The following SCN10A variants were observed in gnomAD, a reference collection of about 807,000 sequenced individuals.
SCN10A encodes sodium voltage-gated channel alpha subunit 10, also known as sodium channel protein type 10 subunit alpha.
SCN10A carries 162 observed loss-of-function variants against 170.7 expected under a neutral mutation model. The ratio of observed to expected loss-of-function variants is 0.95; its 90% confidence interval spans 0.84 to 1.08. The LOEUF is 1.08. Among genes scored for constraint, SCN10A ranks in the 50% least tolerant of loss-of-function variants. The pLI, the probability that SCN10A is intolerant of heterozygous loss-of-function variation, is 0.00. For missense variants in SCN10A, 2,527 were observed against 2,436.9 expected (o/e 1.04, Z -0.78); for synonymous variants, 985 against 904.6 (o/e 1.09, Z -1.59).
In SCN10A at chr3:38,756,680, C is replaced by T. The variant is rs62244070; in HGVS notation, c.1284G>A (p.Glu428=). The T allele has an allele frequency of 0.24, 381,879 of 1,612,192 alleles. 47,700 individuals are homozygous for T. Among genetic ancestry groups the T allele is most frequent in the East Asian group, 0.42 (19,006 of 44,850 alleles). ...FQEALEMLRK[E]QEVLAALGID... ...GCTTCCACTCCTCACAAACCTCCTGCTCCTTCCGGAGCATCTCGAGGGCCT... is the reference window on the plus strand; with the variant it reads ...GCTTCCACTCCTCACAAACCTCCTGTTCCTTCCGGAGCATCTCGAGGGCCT... Residue 428 remains glutamate (E), a synonymous_variant, in exon 10 of 28, where the codon GAG becomes GAA. Transcript: ENST00000449082.
intron 14 of SCN10A, among the ~76,000 whole-genome samples, chr3:38,740,183 G>A (rs1326283867): frequency 6.6e-6 from 1 of 152,166 alleles, no homozygotes; most frequent in Non-Finnish European, 1.5e-5. Context: ...CAAAGGGCCT[G>A]GCAGACAGTA....
At chr3:38,811,227 T>G (rs1479988316) in intron 1 of SCN10A, among the ~76,000 whole-genome samples, 1 of 152,136 alleles carries the variant, frequency 6.6e-6, no homozygotes, top group East Asian at 1.9e-4. Context: ...CCAAGGCAGC[T>G]GGCTCACTTG....
chr3:38,711,011 G>T, intron 23 of SCN10A, 114 bp from the exon 24 acceptor site: 1 of 826,458 alleles, frequency 1.2e-6, no homozygotes, highest in Non-Finnish European at 1.9e-6. Context: ...GAAAGGGCTT[G>T]TGCAGAAAGA....
Position 38,756,772 on chromosome 3 carries a change from T to A in SCN10A, c.1192A>T (p.Met398Leu), listed in dbSNP as rs551816827. The A allele has an allele frequency of 1.2e-6, 2 of 1,614,154 alleles. No homozygotes were observed. Among genetic ancestry groups the A allele is most frequent in the East Asian group, 4.5e-5 (2 of 44,878 alleles). Reference protein sequence around the residue: ...LVNLILAVVTMAYEEQNQATT... With the variant: ...LVNLILAVVTLAYEEQNQATT... ...GCCTGGTTCTGCTCCTCATACGCCA[T>A]GGTGACTACAGCCAAGATCAAGTTG... The change falls in exon 10 of 28, where the codon ATG (methionine) becomes TTG (leucine). Residue 398 changes from methionine (M) to leucine (L), a missense_variant. By Grantham distance (15) the Met-to-Leu change is conservative. Transcript: ENST00000449082.
chr3:38,749,790 T>A (rs2063728269), intron 13 of SCN10A, among the ~76,000 whole-genome samples: 1 of 152,236 alleles, frequency 6.6e-6, no homozygotes, highest in African/African-American at 2.4e-5. Context: ...CCAGATCACT[T>A]TTAAAAATCT....
intron 2 of SCN10A, among the ~76,000 whole-genome samples, 200 bp from the exon 3 acceptor site, chr3:38,792,368 C>A (rs147360518): frequency 1.5e-3 from 229 of 152,254 alleles, no homozygotes; most frequent in Middle Eastern, 0.01. Context: ...ACCCTCTCAG[C>A]AAGATCCTCA....
intron 3 of SCN10A, among the ~76,000 whole-genome samples, 197 bp from the exon 4 acceptor site, chr3:38,789,233 C>T (rs1237110308): frequency 6.6e-6 from 1 of 152,160 alleles, no homozygotes; most frequent in Non-Finnish European, 1.5e-5. Context: ...TCTAATACAA[C>T]TGATCTACAG....
At chr3:38,757,339 C>T (rs147127695) in intron 8 of SCN10A, among the ~76,000 whole-genome samples, 180 bp from the exon 9 acceptor site, 45 of 152,250 alleles carry the variant, frequency 3.0e-4, no homozygotes, top group Non-Finnish European at 5.0e-4. Context: ...ATCCATAAAA[C>T]GGGGACGCTA....
At chr3:38,723,190 G>A (rs2125998074) in intron 19 of SCN10A, among the ~76,000 whole-genome samples, 1 of 152,214 alleles carries the variant, frequency 6.6e-6, no homozygotes, top group South Asian at 2.1e-4. Context: ...GGTTTTTGAG[G>A]GTAAAGAGGA....
intron 5 of SCN10A, among the ~76,000 whole-genome samples, chr3:38,771,030 T>G (rs552652367): frequency 6.6e-6 from 1 of 152,198 alleles, no homozygotes. Context: ...TTTCCCCCCC[T>G]CACACTTTGG....
At chr3:38,737,793 C>CTTT (rs1559433808) in intron 15 of SCN10A, among the ~76,000 whole-genome samples, 73 of 40,040 alleles carry the variant, frequency 1.8e-3, no homozygotes, top group African/African-American at 8.8e-3. Flanking sequence ...TCCCTCCCTC[C>CTTT]CTTCCTCTTT....
intron 5 of SCN10A, among the ~76,000 whole-genome samples, chr3:38,763,899 G>A (rs12497173): frequency 3.9e-5 from 6 of 152,220 alleles, no homozygotes; most frequent in African/African-American, 9.6e-5. Flanking sequence ...GAAGGAGACC[G>A]CCATGTCAGG....
At chr3:38,761,435 A>G in intron 6 of SCN10A, 52 bp from the exon 7 acceptor site, 1 of 1,489,526 alleles carries the variant, frequency 6.7e-7, no homozygotes, top group Non-Finnish European at 9.2e-7. Context: ...GCACACACGG[A>G]GCACACTTCT....
chr3:38,810,722 T>G (rs1229588447), intron 1 of SCN10A, among the ~76,000 whole-genome samples: 1 of 152,242 alleles, frequency 6.6e-6, no homozygotes, highest in African/African-American at 2.4e-5. Context: ...TGTCTATAGC[T>G]CTGTGCCCCT....
chr3:38,790,838 G>C (rs2064272107), intron 3 of SCN10A, among the ~76,000 whole-genome samples: 1 of 152,170 alleles, frequency 6.6e-6, no homozygotes, highest in Non-Finnish European at 1.5e-5. Flanking sequence ...TTGACACTTA[G>C]GAAGTATTTA....
chr3:38,773,614 A>G lies in SCN10A; in HGVS notation c.471-2207T>C, dbSNP rs1483674992. Among the ~76,000 whole-genome samples, 8 of 152,252 alleles carry G rather than the reference A, an allele frequency of 5.3e-5. No individual in the cohort carries two copies. In the South Asian group the frequency reaches 1.7e-3, roughly 31 times the overall value. The stretch of plus-strand genomic sequence containing the variant: ...AATAGAAAACTGAGCAAACAAAAAA[A>G]TAAAATCCTTATTAACTCCAAGGAA... On this transcript the variant is annotated intron_variant, in intron 4 of 27. Transcript: ENST00000449082.
At chr3:38,770,467 G>A (rs2063985729) in intron 5 of SCN10A, among the ~76,000 whole-genome samples, 1 of 152,084 alleles carries the variant, frequency 6.6e-6, no homozygotes, top group South Asian at 2.1e-4. Context: ...CAGGCCAGTG[G>A]GGTTGTGTTC....
intron 21 of SCN10A, 100 bp downstream of exon 21, chr3:38,718,553 G>T: frequency 8.1e-7 from 1 of 1,231,770 alleles, no homozygotes; most frequent in Non-Finnish European, 1.2e-6. Flanking sequence ...CTTTGGAGTA[G>T]CCCTTGAGGG....
Position 38,726,688 on chromosome 3 carries a change from C to A in SCN10A, c.3005G>T (p.Gly1002Val). 6.2e-7 allele frequency: 1 copy of A among 1,612,412 alleles called. No homozygotes were observed. ...CTCCAAGTCATCAAGATCAGATTCA[C>A]CCTCAGCAATGGGCACAGAGACCCA... ...TVWVSVPIAE[G>V]ESDLDDLEDD... The change falls in exon 17 of 28, where the codon GGT becomes GTT. Residue 1002 changes from glycine to valine, a missense_variant. Physicochemically the swap from Gly to Val is moderately radical, Grantham distance 109 (BLOSUM62 -3). Coordinates refer to ENST00000449082, the MANE Select transcript of SCN10A (RefSeq NM_006514.4).
Sources: gnomAD v4.1 joint callset for allele counts (sites outside exome capture counted in the v4.1 genomes callset) on GRCh38, gnomAD v4.1.1 for gene constraint, MANE v1.5 for transcripts, NCBI Gene and HGNC (gene_info 2026-07-23, HGNC 2026-07-21) for gene names.